The following AP1S3 variants were observed in gnomAD, a reference collection of about 807,000 sequenced individuals.
The protein encoded by AP1S3 is AP-1 complex subunit sigma-3.
In AP1S3, 10 loss-of-function variants were observed where a neutral mutation model predicts 20.9. That is an observed-to-expected ratio of 0.48 (90% CI 0.29 to 0.81). AP1S3 has a LOEUF of 0.81. Among genes scored for constraint, AP1S3 ranks in the 30% least tolerant of loss-of-function variants. The pLI is 0.08. For synonymous variants in AP1S3, 41 were observed against 61.5 expected, an observed-to-expected ratio of 0.67 and a Z score of 1.56; for missense variants, 154 against 183.8, an observed-to-expected ratio of 0.84 and a Z score of 0.94.
At chr2:223,815,333 GC>G (rs1691820032) in intron 1 of AP1S3, among the ~76,000 whole-genome samples, 1 of 152,192 alleles carries the variant, frequency 6.6e-6, no homozygotes, top group Admixed American at 6.6e-5. Flanking sequence ...CTTTGAAGGA[GC>G]TAATGCTGGC....
intron 1 of AP1S3, among the ~76,000 whole-genome samples, chr2:223,781,032 T>C (rs1038594277): frequency 2.0e-5 from 3 of 151,610 alleles, no homozygotes; most frequent in Non-Finnish European, 4.4e-5. Context: ...TGTGAGAACA[T>C]GCAATATTTG....
chr2:223,833,338 A>G (rs560759667), intron 1 of AP1S3, among the ~76,000 whole-genome samples: 1 of 152,240 alleles, frequency 6.6e-6, no homozygotes, highest in East Asian at 1.9e-4. Context: ...TCTGCCCCAT[A>G]AGCCTTTTTA....
intron 1 of AP1S3, among the ~76,000 whole-genome samples, chr2:223,818,086 G>C (rs1352603425): frequency 6.6e-6 from 1 of 151,100 alleles, no homozygotes; most frequent in Non-Finnish European, 1.5e-5. Context: ...TAGGTGGCAG[G>C]GTAGGTATCA....
chr2:223,837,486 A>C lies in AP1S3; in HGVS notation c.-36T>G. On this transcript the variant is annotated 5_prime_UTR_variant, in exon 1 of 5. Coordinates refer to ENST00000396654, the MANE Select transcript of AP1S3 (RefSeq NM_001039569.2). ...CCGCCGCCTCCCCCGCCTTGCGAGC[A>C]AGGAGCGCTGGAGAAGCGAGGGCGA... The C allele has an allele frequency of 7.8e-7, 1 of 1,278,050 alleles. No homozygotes were observed. The highest frequency in any genetic ancestry group is 9.9e-7 in the Non-Finnish European group (1 of 1,009,422). 79.2% of individuals were successfully genotyped at this position (1,278,050 alleles called of 1,614,324 possible).
In AP1S3 at chr2:223,756,453, G is replaced by GAAAGAAAGAAAGA. The variant is rs559533193; in HGVS notation, c.*2249_*2261dup. 51,059 of 751,434 alleles carry GAAAGAAAGAAAGA rather than the reference G, an allele frequency of 0.068. 5,425 individuals are homozygous for GAAAGAAAGAAAGA. The highest frequency in any genetic ancestry group is 0.4 in the African/African-American group (19,388 of 48,846). 46.5% of individuals were successfully genotyped at this position (751,434 alleles called of 1,614,324 possible). On this transcript the variant is annotated 3_prime_UTR_variant, in exon 5 of 5. Coordinates refer to ENST00000396654, the MANE Select transcript of AP1S3 (RefSeq NM_001039569.2). ...GAAGGAAGGAAGAAAGGAAGGAAAA[G>GAAAGAAAGAAAGA]AAAGAAAGAAAGAAAAGAAAGAAAG... is the stretch of plus-strand genomic sequence containing the variant.
At chr2:223,787,720 C>T (rs1000689580) in intron 1 of AP1S3, among the ~76,000 whole-genome samples, 8 of 152,214 alleles carry the variant, frequency 5.3e-5, no homozygotes, top group African/African-American at 1.9e-4. Flanking sequence ...CTAGAGACTA[C>T]AGCTAAGTGA....
At chr2:223,777,444 A>G (rs1690811579) in intron 2 of AP1S3, among the ~76,000 whole-genome samples, 1 of 152,198 alleles carries the variant, frequency 6.6e-6, no homozygotes, top group South Asian at 2.1e-4. Flanking sequence ...TGTTCATACC[A>G]CTTTTCTTGA....
chr2:223,774,371 ATAATAAATAAAT>A lies in AP1S3; in HGVS notation c.291+1518_291+1529del, dbSNP rs1690710174. ...CAAGAACAAAACTCCGTCTCAATAAATAATAAATAAATAAATAAATAAATAAATAAATAAATA... is the reference window on the plus strand; with the variant it reads ...CAAGAACAAAACTCCGTCTCAATAAAAAATAAATAAATAAATAAATAAATA... On this transcript the variant is annotated intron_variant, in intron 3 of 4. Transcript: ENST00000396654. Among the ~76,000 whole-genome samples, 2 of 90,910 alleles carry A rather than the reference ATAATAAATAAAT, an allele frequency of 2.2e-5. 1 individual carries two copies. The highest frequency in any genetic ancestry group is 7.8e-4 in the South Asian group (2 of 2,564). 59.6% of individuals were successfully genotyped at this position (90,910 alleles called of 152,430 possible). A position where few individuals can be genotyped will look rare whatever the true frequency, so the allele number is the denominator to read the frequency against.
chr2:223,801,663 C>T lies in AP1S3; in HGVS notation c.4-23794G>A, dbSNP rs527691146. The stretch of plus-strand genomic sequence containing the variant: ...TTCACCATGTTGGCCAGGCTGGTCT[C>T]GAACTCCTGACTCCAAGTGGTCTGC... On this transcript the variant is annotated intron_variant, in intron 1 of 4. Transcript: ENST00000396654. Among the ~76,000 whole-genome samples the T allele has an allele frequency of 1.3e-4, 20 of 152,204 alleles. No individual in the cohort carries two copies. In the South Asian group the frequency reaches 3.3e-3, roughly 25 times the overall value.
At position 223,799,135 on chromosome 2, in the gene AP1S3, G is replaced by A. The variant is rs1404111833; in HGVS notation, c.4-21266C>T. ...TGCAGATGTAACTTGTTAAGATGAGGTCATACTAGAGTAGGGTGGGCCCCT... is the reference window on the plus strand; with the variant it reads ...TGCAGATGTAACTTGTTAAGATGAGATCATACTAGAGTAGGGTGGGCCCCT... On this transcript the variant is annotated intron_variant, in intron 1 of 4. Coordinates refer to ENST00000396654, the MANE Select transcript of AP1S3 (RefSeq NM_001039569.2). Among the ~76,000 whole-genome samples, 2 of 151,980 alleles carry A rather than the reference G, an allele frequency of 1.3e-5. 1 individual carries two copies. Among genetic ancestry groups the A allele is most frequent in the South Asian group, 4.2e-4 (2 of 4,806 alleles).
chr2:223,813,640 C>T (rs1410711042), intron 1 of AP1S3, among the ~76,000 whole-genome samples: 1 of 152,204 alleles, frequency 6.6e-6, no homozygotes, highest in Admixed American at 6.5e-5. Context: ...GAGAACATAG[C>T]TGAGCTAAAT....
intron 1 of AP1S3, among the ~76,000 whole-genome samples, chr2:223,781,676 C>T (rs188218469): frequency 2.0e-5 from 3 of 152,128 alleles, no homozygotes; most frequent in African/African-American, 7.2e-5. Context: ...AAGAAGAGAT[C>T]ATAAAAGTGA....
intron 4 of AP1S3, among the ~76,000 whole-genome samples, chr2:223,761,318 C>G (rs191892558): frequency 2.6e-4 from 39 of 152,316 alleles, no homozygotes; most frequent in African/African-American, 8.9e-4. Context: ...TAGCTGTTAA[C>G]ATGGTTTACG....
chr2:223,835,080 G>GTAAAAGTATGTATTTC (rs775214120), intron 1 of AP1S3, among the ~76,000 whole-genome samples: 1 of 151,492 alleles, frequency 6.6e-6, no homozygotes, highest in African/African-American at 2.4e-5. Context: ...TGACCTTGCA[G>GTAAAAGTATGTATTTC]ACCTCCAGTA....
chr2:223,765,510 G>T (rs991497821), intron 3 of AP1S3, among the ~76,000 whole-genome samples, 160 bp from the exon 4 acceptor site: 6 of 152,130 alleles, frequency 3.9e-5, no homozygotes, highest in Non-Finnish European at 8.8e-5. Context: ...GGGAATGTCA[G>T]GCCTTTAATA....
rs1043173721 is a variant in AP1S3 at position 223,756,466 on chromosome 2, AAAAG to A, written c.*2245_*2248del. ...AAGGAAGGAAAAGAAAGAAAGAAAG[AAAAG>A]AAAGAAAGAAAGAAAAAAAGAAAGA... is the stretch of plus-strand genomic sequence containing the variant. On this transcript the variant is annotated 3_prime_UTR_variant, in exon 5 of 5. Coordinates refer to ENST00000396654, the MANE Select transcript of AP1S3 (RefSeq NM_001039569.2). The A allele has an allele frequency of 1.7e-4, 158 of 919,958 alleles. No homozygotes were observed. Among genetic ancestry groups the A allele is most frequent in the Middle Eastern group, 1.7e-3 (3 of 1,802 alleles). 57.0% of individuals were successfully genotyped at this position (919,958 alleles called of 1,614,324 possible).
intron 1 of AP1S3, among the ~76,000 whole-genome samples, chr2:223,824,558 T>C (rs1056454496): frequency 2.7e-5 from 4 of 147,734 alleles, no homozygotes; most frequent in African/African-American, 1.0e-4. Flanking sequence ...GGGTTTTTTT[T>C]TGAGAATCTT....
intron 2 of AP1S3, among the ~76,000 whole-genome samples, chr2:223,777,072 T>G (rs1263034939): frequency 2.0e-5 from 3 of 152,276 alleles, no homozygotes; most frequent in Non-Finnish European, 4.4e-5. Flanking sequence ...TCATCTGTCT[T>G]GTTCAATGAT....
intron 1 of AP1S3, among the ~76,000 whole-genome samples, chr2:223,799,462 AC>A (rs1691418342): frequency 1.3e-5 from 2 of 152,326 alleles, no homozygotes; most frequent in Non-Finnish European, 2.9e-5. Context: ...AGCTCATGGT[AC>A]TTCCTTATGG....
Sources: gnomAD v4.1 joint callset for allele counts (sites outside exome capture counted in the v4.1 genomes callset) on GRCh38, gnomAD v4.1.1 for gene constraint, MANE v1.5 for transcripts, NCBI Gene and HGNC (gene_info 2026-07-23, HGNC 2026-07-21) for gene names.